The following FNDC3B variants were observed in gnomAD, a reference collection of about 807,000 sequenced individuals.
The protein encoded by FNDC3B is fibronectin type III domain-containing protein 3B.
In FNDC3B, 12 loss-of-function variants were observed where a neutral mutation model predicts 151.5. That is an observed-to-expected ratio of 0.08 (90% CI 0.05 to 0.13). The LOEUF (loss-of-function observed/expected upper bound fraction) is 0.13, where lower values mean the gene tolerates loss of function less well. FNDC3B is among the 10% of genes least tolerant of loss of function. The pLI, the probability that FNDC3B is intolerant of heterozygous loss-of-function variation, is 1.00. For synonymous variants in FNDC3B, 528 were observed against 549.0 expected (o/e 0.96, Z 0.54); for missense variants, 1,214 against 1,505.3 (o/e 0.81, Z 3.20).
intron 1 of FNDC3B, among the ~76,000 whole-genome samples, chr3:172,064,808 G>A (rs776126136): frequency 2.0e-5 from 3 of 152,170 alleles, no homozygotes; most frequent in Non-Finnish European, 4.4e-5. Flanking sequence ...TGGGAGATTT[G>A]ATTTCATTCG....
chr3:172,162,268 C>T (rs950174242), intron 3 of FNDC3B, among the ~76,000 whole-genome samples: 5 of 152,122 alleles, frequency 3.3e-5, no homozygotes, highest in Non-Finnish European at 5.9e-5. Flanking sequence ...CATGAGCCAC[C>T]GCGCCCGGCC....
chr3:172,091,574 TG>T (rs1215216222), intron 1 of FNDC3B, among the ~76,000 whole-genome samples: 1 of 152,166 alleles, frequency 6.6e-6, no homozygotes, highest in Non-Finnish European at 1.5e-5. Flanking sequence ...CGTTTGTGTA[TG>T]TGTGTATGCA....
At chr3:172,384,109 G>A (rs1448813395) in intron 25 of FNDC3B, among the ~76,000 whole-genome samples, 1 of 152,068 alleles carries the variant, frequency 6.6e-6, no homozygotes, top group Non-Finnish European at 1.5e-5. Flanking sequence ...TGATAATAAA[G>A]AATATTGGCA....
intron 3 of FNDC3B, among the ~76,000 whole-genome samples, chr3:172,200,588 G>A (rs7641214): frequency 0.86 from 131,143 of 152,174 alleles, 56,795 homozygotes; most frequent in Non-Finnish European, 0.92. Flanking sequence ...CCAACTGTAG[G>A]CTAATGTAAG....
At chr3:172,293,301 G>A (rs1251524151) in intron 7 of FNDC3B, among the ~76,000 whole-genome samples, 1 of 152,188 alleles carries the variant, frequency 6.6e-6, no homozygotes, top group Non-Finnish European at 1.5e-5. Flanking sequence ...CTGGAGGTTT[G>A]GTCACAGCAT....
At chr3:172,326,829 A>G (rs1732375124) in intron 11 of FNDC3B, among the ~76,000 whole-genome samples, 1 of 152,130 alleles carries the variant, frequency 6.6e-6, no homozygotes, top group Admixed American at 6.5e-5. Context: ...TACTGGCTAC[A>G]GTTCTAAGCA....
chr3:172,397,673 TTTTAAAAAAAA>T lies in FNDC3B; in HGVS notation c.*199_*209del. 7.0e-6 allele frequency: 2 copies of T among 284,960 alleles called. No individual in the cohort carries two copies. Among genetic ancestry groups the T allele is most frequent in the Non-Finnish European group, 1.1e-5 (2 of 177,794 alleles). The allele number at this position is 284,960 out of a possible 1,614,324, so 17.7% of individuals were successfully genotyped here. A position where few individuals can be genotyped will look rare whatever the true frequency, so the allele number is the denominator to read the frequency against. ...GGAAAAGGTTAAACTGGATTTTTTT[TTTTAAAAAAAA>T]GAAAAAAAAAGAAGAAAAGTATACC... On this transcript the variant is annotated 3_prime_UTR_variant, in exon 26 of 26. Coordinates refer to ENST00000415807, the MANE Select transcript of FNDC3B (RefSeq NM_022763.4).
chr3:172,103,566 A>G (rs62283813), intron 1 of FNDC3B, among the ~76,000 whole-genome samples: 17,365 of 152,168 alleles, frequency 0.11, 1,448 homozygotes, highest in African/African-American at 0.23. Context: ...GGCCTATACA[A>G]TAGGGACATC....
At chr3:172,358,355 TC>T (rs1182923332) in intron 22 of FNDC3B, among the ~76,000 whole-genome samples, 2 of 152,364 alleles carry the variant, frequency 1.3e-5, no homozygotes, top group African/African-American at 4.8e-5. Flanking sequence ...TAATAGTAGT[TC>T]CCACTCTGTA....
At chr3:172,268,372 A>T (rs1350224273) in intron 6 of FNDC3B, among the ~76,000 whole-genome samples, 3 of 152,250 alleles carry the variant, frequency 2.0e-5, no homozygotes, top group African/African-American at 7.2e-5. Context: ...AAAGTTGATG[A>T]GAATAATGAA....
At chr3:172,139,752 C>CTT (rs958236697) in intron 3 of FNDC3B, among the ~76,000 whole-genome samples, 2 of 144,690 alleles carry the variant, frequency 1.4e-5, no homozygotes, top group African/African-American at 5.1e-5. Flanking sequence ...AAAACCATTT[C>CTT]TTTTTTTTTT....
At chr3:172,323,704 C>G (rs1328514947) in intron 11 of FNDC3B, among the ~76,000 whole-genome samples, 1 of 152,130 alleles carries the variant, frequency 6.6e-6, no homozygotes, top group Admixed American at 6.5e-5. Context: ...TCTCTTGCCC[C>G]TTTTTTTCTG....
At chr3:172,330,258 C>G (rs1732575559) in intron 12 of FNDC3B, 1 of 286,248 alleles carries the variant, frequency 3.5e-6, no homozygotes. Flanking sequence ...GCCCACACGT[C>G]ACTTCATTCA....
intron 3 of FNDC3B, among the ~76,000 whole-genome samples, chr3:172,168,462 G>A (rs757645162): frequency 6.6e-6 from 1 of 152,216 alleles, no homozygotes; most frequent in Non-Finnish European, 1.5e-5. Flanking sequence ...TGACATGTCA[G>A]TGGTATGCTG....
intron 4 of FNDC3B, among the ~76,000 whole-genome samples, chr3:172,228,721 A>G (rs74938017): frequency 2.6e-5 from 4 of 152,196 alleles, no homozygotes; most frequent in Middle Eastern, 3.2e-3. Context: ...AAGAATAGTT[A>G]AAATGGAATA....
intron 1 of FNDC3B, among the ~76,000 whole-genome samples, chr3:172,078,318 T>A (rs905012782): frequency 6.6e-6 from 1 of 152,240 alleles, no homozygotes; most frequent in African/African-American, 2.4e-5. Flanking sequence ...TGAACTCTTT[T>A]CTTTCGACTT....
rs1576807374 is a variant in FNDC3B at position 172,039,664 on chromosome 3, C to T, written c.-136C>T. 1 of 165,220 alleles carries T rather than the reference C, an allele frequency of 6.1e-6. No individual in the cohort carries two copies. Among genetic ancestry groups the T allele is most frequent in the Non-Finnish European group, 1.3e-5 (1 of 77,570 alleles). The allele number at this position is 165,220 out of a possible 1,614,324, so 10.2% of individuals were successfully genotyped here. On this transcript the variant is annotated 5_prime_UTR_variant, in exon 1 of 26. Coordinates refer to ENST00000415807, the MANE Select transcript of FNDC3B (RefSeq NM_022763.4). ...GGCTGGAGGAGGAGAGCGGCGGCGG[C>T]GGGAGCAGCGAAGGGGGCGGCAGGG...
rs372698431 is a variant in FNDC3B at position 172,205,459 on chromosome 3, T to C, written c.188-21412T>C. Among the ~76,000 whole-genome samples the C allele has an allele frequency of 1.1e-4, 17 of 152,338 alleles. No individual in the cohort carries two copies. The South Asian group carries it at 3.3e-3, about 30-fold the overall frequency. ...AGACAATCTTGTGAAATTGTTACCATTGCTTTCTTCATTTTACAGGTGAGG... is the reference window on the plus strand; with the variant it reads ...AGACAATCTTGTGAAATTGTTACCACTGCTTTCTTCATTTTACAGGTGAGG... On this transcript the variant is annotated intron_variant, in intron 3 of 25. Transcript: ENST00000415807.
chr3:172,227,714 C>T (rs992829290), intron 4 of FNDC3B, among the ~76,000 whole-genome samples: 4 of 151,978 alleles, frequency 2.6e-5, no homozygotes, highest in Non-Finnish European at 4.4e-5. Flanking sequence ...CTTTTTTGTT[C>T]TTCCTACTTA....
Sources: allele counts gnomAD v4.1 joint callset (sites outside exome capture counted in the v4.1 genomes callset), GRCh38; gene constraint gnomAD v4.1.1; transcripts MANE v1.5; gene names NCBI Gene and HGNC (gene_info 2026-07-23, HGNC 2026-07-21).